The following ARHGEF28 variants were observed in gnomAD, a reference collection of about 807,000 sequenced individuals.
ARHGEF28 encodes Rho guanine nucleotide exchange factor 28.
ARHGEF28 carries 152 observed loss-of-function variants against 206.6 expected under a neutral mutation model. The ratio of observed to expected loss-of-function variants is 0.74; its 90% CI spans 0.64 to 0.84. The LOEUF (loss-of-function observed/expected upper bound fraction) is 0.84. Ranked by LOEUF, ARHGEF28 falls within the 40% of genes least tolerant of loss-of-function variation. ARHGEF28 has a pLI of 0.00. For missense variants in ARHGEF28, 2,028 were observed against 2,073.2 expected (o/e 0.98, Z 0.42); for synonymous variants, 763 against 776.4 (o/e 0.98, Z 0.29).
At chr5:73,666,905 G>A (rs1745992227) in intron 1 of ARHGEF28, among the ~76,000 whole-genome samples, 1 of 152,192 alleles carries the variant, frequency 6.6e-6, no homozygotes, top group East Asian at 1.9e-4. Flanking sequence ...AGGGTCCCAT[G>A]TTCAAAAACT....
chr5:73,663,394 G>A (rs994676330), intron 1 of ARHGEF28, among the ~76,000 whole-genome samples: 2 of 152,288 alleles, frequency 1.3e-5, no homozygotes, highest in South Asian at 2.1e-4. Context: ...GTGTGCCCTC[G>A]TTTCTTTCCT....
At chr5:73,628,829 G>A (rs1365563103) in intron 1 of ARHGEF28, among the ~76,000 whole-genome samples, 2 of 152,208 alleles carry the variant, frequency 1.3e-5, no homozygotes, top group Non-Finnish European at 2.9e-5. Context: ...CTTAAGAAGT[G>A]TAGGTCAGGT....
chr5:73,848,266 C>T (rs1561454059), intron 12 of ARHGEF28, among the ~76,000 whole-genome samples: 1 of 152,030 alleles, frequency 6.6e-6, no homozygotes, highest in East Asian at 1.9e-4. Flanking sequence ...CTTGCATTTT[C>T]ATGTATGTTG....
intron 9 of ARHGEF28, among the ~76,000 whole-genome samples, chr5:73,804,036 G>A (rs951154534): frequency 6.9e-6 from 1 of 145,662 alleles, no homozygotes; most frequent in African/African-American, 2.6e-5. Context: ...AGTGAGCAGT[G>A]GTTGCACCAT....
chr5:73,704,722 C>A (rs1387828623), intron 2 of ARHGEF28, among the ~76,000 whole-genome samples: 1 of 152,062 alleles, frequency 6.6e-6, no homozygotes. Context: ...ACCACACCCG[C>A]CCATTACTAT....
intron 3 of ARHGEF28, among the ~76,000 whole-genome samples, chr5:73,751,633 T>C (rs1752022135): frequency 6.6e-6 from 1 of 152,108 alleles, no homozygotes; most frequent in African/African-American, 2.4e-5. Flanking sequence ...TTTTCTTTAC[T>C]TGCATGTGGT....
chr5:73,706,337 C>CT (rs1293505132), intron 2 of ARHGEF28, among the ~76,000 whole-genome samples: 1 of 152,138 alleles, frequency 6.6e-6, no homozygotes, highest in Non-Finnish European at 1.5e-5. Context: ...GAGCAAGACT[C>CT]TGTCTCAAAA....
chr5:73,812,560 G>C (rs1032281762), intron 9 of ARHGEF28, among the ~76,000 whole-genome samples: 2 of 152,046 alleles, frequency 1.3e-5, no homozygotes, highest in Non-Finnish European at 2.9e-5. Context: ...CTTATTTGGG[G>C]CATGGATATC....
At chr5:73,863,671 G>A (rs1398979435) in intron 16 of ARHGEF28, among the ~76,000 whole-genome samples, 1 of 151,280 alleles carries the variant, frequency 6.6e-6, no homozygotes, top group South Asian at 2.1e-4. Flanking sequence ...AGTATCTAAA[G>A]TTTCTTTCCT....
At chr5:73,661,523 A>C (rs1046143649) in intron 1 of ARHGEF28, among the ~76,000 whole-genome samples, 1 of 152,182 alleles carries the variant, frequency 6.6e-6, no homozygotes, top group Non-Finnish European at 1.5e-5. Context: ...GCTTTCAGCT[A>C]TCTTGGCTTT....
chr5:73,791,509 C>T (rs1220359323), intron 7 of ARHGEF28, among the ~76,000 whole-genome samples: 5 of 152,214 alleles, frequency 3.3e-5, no homozygotes, highest in Admixed American at 2.6e-4. Context: ...GACCACGATT[C>T]TTCTGCCACA....
chr5:73,645,739 C>T (rs1450107842), intron 1 of ARHGEF28, among the ~76,000 whole-genome samples: 1 of 152,062 alleles, frequency 6.6e-6, no homozygotes, highest in Non-Finnish European at 1.5e-5. Flanking sequence ...TTTTATTCTC[C>T]ATTTCCCCTA....
intron 35 of ARHGEF28, among the ~76,000 whole-genome samples, chr5:73,919,621 A>T (rs1364104855): frequency 6.6e-6 from 1 of 152,202 alleles, no homozygotes; most frequent in Non-Finnish European, 1.5e-5. Context: ...AAGACTTCTA[A>T]TTGTACTTTG....
chr5:73,802,200 T>C (rs7730426), intron 9 of ARHGEF28, among the ~76,000 whole-genome samples: 8,279 of 152,014 alleles, frequency 0.054, 297 homozygotes, highest in African/African-American at 0.098. Context: ...ACCACTTCAA[T>C]TTATGAGATG....
At chr5:73,926,999 C>T (rs1047764295) in intron 35 of ARHGEF28, among the ~76,000 whole-genome samples, 2 of 152,116 alleles carry the variant, frequency 1.3e-5, no homozygotes, top group African/African-American at 4.8e-5. Flanking sequence ...AATGCCATAG[C>T]TCCTTCTTAA....
chr5:73,911,165 C>T, intron 34 of ARHGEF28, 110 bp from the exon 35 acceptor site: 1 of 1,123,318 alleles, frequency 8.9e-7, no homozygotes, highest in South Asian at 1.7e-5. Context: ...TAATCTTGAC[C>T]TCACTTTTAC....
intron 16 of ARHGEF28, among the ~76,000 whole-genome samples, chr5:73,864,435 G>A (rs150843916): frequency 6.7e-4 from 102 of 152,276 alleles, no homozygotes; most frequent in African/African-American, 2.4e-3. Context: ...ATTTTACCCA[G>A]TGTGGGAGTG....
At chr5:73,638,798 C>A (rs564920564) in intron 1 of ARHGEF28, among the ~76,000 whole-genome samples, 22 of 152,258 alleles carry the variant, frequency 1.4e-4, no homozygotes, top group African/African-American at 5.1e-4. Flanking sequence ...ATCACCACCT[C>A]ATGTGTTGTT....
intron 2 of ARHGEF28, among the ~76,000 whole-genome samples, chr5:73,716,050 A>C (rs1465404883): frequency 1.3e-5 from 2 of 152,218 alleles, no homozygotes; most frequent in African/African-American, 4.8e-5. Context: ...TTAAAACTAT[A>C]GGTTTGTTTT....
Sources: allele counts gnomAD v4.1 joint callset (sites outside exome capture counted in the v4.1 genomes callset), GRCh38; gene constraint gnomAD v4.1.1; transcripts MANE v1.5; gene names NCBI Gene and HGNC (gene_info 2026-07-23, HGNC 2026-07-21).